The following LUZP1 variants were observed in gnomAD, a reference collection of about 807,000 sequenced individuals.
LUZP1 encodes filamin mechanobinding actin cross-linking protein.
Under a neutral mutation model 71.3 loss-of-function variants are expected in LUZP1, and 25 were observed. That is an observed-to-expected ratio of 0.35 (90% CI 0.26 to 0.49). LUZP1 has a LOEUF of 0.49. Ranked by LOEUF, LUZP1 falls within the 20% of genes least tolerant of loss-of-function variation. The pLI is 0.99. For synonymous variants in LUZP1, 481 were observed against 506.4 expected (o/e 0.95, Z 0.67); for missense variants, 1,142 against 1,300.8 (o/e 0.88, Z 1.88).
intron 3 of LUZP1, among the ~76,000 whole-genome samples, chr1:23,097,678 GTAAAA>G (rs1643900374): frequency 6.6e-6 from 1 of 152,080 alleles, no homozygotes; most frequent in Non-Finnish European, 1.5e-5. Context: ...ATAAAAAAAG[GTAAAA>G]TAAAATAAAA....
chr1:23,089,005 T>C, exon 5 of LUZP1: 1 of 1,614,158 alleles, frequency 6.2e-7, no homozygotes, highest in South Asian at 1.1e-5. Context: ...TCCAGGGAGT[T>C]GTGCAGTTGC....
At chr1:23,162,037 A>T in intron 2 of LUZP1, among the ~76,000 whole-genome samples, 1 of 151,606 alleles carries the variant, frequency 6.6e-6, no homozygotes, top group Non-Finnish European at 1.5e-5. Context: ...AAAAAAAAAA[A>T]AAAAAAAAAA....
intron 2 of LUZP1, among the ~76,000 whole-genome samples, chr1:23,154,822 G>A (rs1644410301): frequency 6.6e-6 from 1 of 151,112 alleles, no homozygotes; most frequent in Non-Finnish European, 1.5e-5. Context: ...CCAAAGTGCT[G>A]GGATTCTTTC....
chr1:23,143,552 T>C (rs576774152), intron 2 of LUZP1, among the ~76,000 whole-genome samples: 5 of 152,308 alleles, frequency 3.3e-5, no homozygotes, highest in Admixed American at 1.3e-4. Context: ...TTCAGTTGTT[T>C]TTTGCACATA....
intron 2 of LUZP1, among the ~76,000 whole-genome samples, chr1:23,143,041 C>T (rs751329981): frequency 3.3e-5 from 5 of 151,694 alleles, no homozygotes; most frequent in Non-Finnish European, 5.9e-5. Context: ...TAGAGTCTTA[C>T]TCTCTTGTCC....
At chr1:23,157,733 G>A (rs1644431238) in intron 2 of LUZP1, among the ~76,000 whole-genome samples, 1 of 152,224 alleles carries the variant, frequency 6.6e-6, no homozygotes, top group Non-Finnish European at 1.5e-5. Context: ...GGAGGTTGCA[G>A]TGAGCCAAGA....
exon 4 of LUZP1, chr1:23,091,715 A>G (rs757736458): frequency 6.2e-7 from 1 of 1,614,032 alleles, no homozygotes; most frequent in East Asian, 2.2e-5. Context: ...GGGTGATGTC[A>G]TGTTTGTGAA....
At chr1:23,133,216 C>T (rs991323176) in intron 2 of LUZP1, among the ~76,000 whole-genome samples, 4 of 152,144 alleles carry the variant, frequency 2.6e-5, no homozygotes, top group Non-Finnish European at 5.9e-5. Flanking sequence ...ACGATATATA[C>T]GAACAGATCT....
At chr1:23,134,007 G>A (rs541917985) in intron 2 of LUZP1, among the ~76,000 whole-genome samples, 4 of 152,300 alleles carry the variant, frequency 2.6e-5, no homozygotes, top group African/African-American at 9.6e-5. Flanking sequence ...AAACAAGTTA[G>A]AAAGGACTGC....
intron 2 of LUZP1, among the ~76,000 whole-genome samples, chr1:23,122,289 C>T (rs1644136447): frequency 6.6e-6 from 1 of 152,086 alleles, no homozygotes; most frequent in African/African-American, 2.4e-5. Context: ...TAGAGACTGT[C>T]AAGTTAATTG....
At position 23,108,740 on chromosome 1, in the gene LUZP1, G is replaced by A. The variant is rs78523373; in HGVS notation, c.-120+282C>T. On this transcript the variant is annotated intron_variant, in intron 3 of 4. Transcript: ENST00000302291. ...ACTTACCTCACAGGGTTGGTAGGGC[G>A]ATAACATGTCCAACAGGACTGCGCC... 1.7e-3 allele frequency among the ~76,000 whole-genome samples: 265 copies of A among 152,324 alleles called. 3 individuals carry two copies. Among genetic ancestry groups the A allele is most frequent in the African/African-American group, 5.9e-3 (247 of 41,574 alleles).
At chr1:23,113,225 G>A (rs1270952092) in intron 2 of LUZP1, among the ~76,000 whole-genome samples, 1 of 152,002 alleles carries the variant, frequency 6.6e-6, no homozygotes, top group Admixed American at 6.6e-5. Flanking sequence ...GTGAGACACT[G>A]TCTCTACAAA....
At position 23,093,915 on chromosome 1, in the gene LUZP1, C is replaced by A. The variant is rs149397570; in HGVS notation, c.347G>T (p.Arg116Leu). 7 of 1,614,168 alleles carry A rather than the reference C, an allele frequency of 4.3e-6. No individual in the cohort carries two copies. In the South Asian group the frequency reaches 7.7e-5, roughly 18 times the overall value. ...TTCTAGCTTCTCTAATTCAGCCATT[C>A]GTTTCTGAAGCCGCTCAATCTCAGA... Residue 116 changes from arginine (R) to leucine (L), a missense_variant, in exon 4 of 5, where the codon CGA becomes CTA. Transcript: ENST00000302291. The surrounding 1 kb of genome is among the most constrained non-coding windows in gnomAD (Gnocchi z 4.2).
At chr1:23,149,079 TAAAAAAAAAAAAA>T (rs58910170) in intron 2 of LUZP1, among the ~76,000 whole-genome samples, 4 of 37,412 alleles carry the variant, frequency 1.1e-4, no homozygotes, top group East Asian at 8.7e-4. Context: ...ACACCTTGCC[TAAAAAAAAAAAAA>T]AAAAAAAAAA....
chr1:23,172,837 A>T lies in LUZP1; in HGVS notation c.-484-3813T>A, dbSNP rs1276407252. 1.0e-3 allele frequency among the ~76,000 whole-genome samples: 150 copies of T among 149,150 alleles called. 1 individual carries two copies. In the Middle Eastern group the frequency reaches 0.011, roughly 11 times the overall value. ...GCCAAAATTTTATTTATTTATTTTT[A>T]TTTTTATTTTTTTTGAGACAGAGTC... On this transcript the variant is annotated intron_variant, in intron 1 of 4. Transcript: ENST00000302291.
chr1:23,152,500 C>CT (rs1341321783), intron 2 of LUZP1, among the ~76,000 whole-genome samples: 3 of 152,048 alleles, frequency 2.0e-5, no homozygotes, highest in Non-Finnish European at 4.4e-5. Flanking sequence ...CTTCAGTTAA[C>CT]TAATACCACA....
chr1:23,172,525 T>A (rs932553633), intron 1 of LUZP1, among the ~76,000 whole-genome samples: 12 of 151,258 alleles, frequency 7.9e-5, no homozygotes, highest in Non-Finnish European at 1.3e-4. Context: ...TTTTATTTTT[T>A]TTTTTTTAGA....
rs147602099 is a variant in LUZP1 at position 23,120,343 on chromosome 1, A to G, written c.-225-11216T>C. Among the ~76,000 whole-genome samples, 6 of 152,082 alleles carry G rather than the reference A, an allele frequency of 3.9e-5. No homozygotes were observed. The East Asian group carries it at 9.7e-4, about 24-fold the overall frequency. On this transcript the variant is annotated intron_variant, in intron 2 of 4. Transcript: ENST00000302291. ...GAAGTGCATGCCTCCTACGCTCTAA[A>G]TAATATACCTCCTAATAAATAAATA...
At chr1:23,101,586 C>G (rs1643932081) in intron 3 of LUZP1, among the ~76,000 whole-genome samples, 1 of 152,218 alleles carries the variant, frequency 6.6e-6, no homozygotes, top group South Asian at 2.1e-4. Context: ...AAGTCCTATG[C>G]ATACCTAAAG....
Sources: allele counts gnomAD v4.1 joint callset (sites outside exome capture counted in the v4.1 genomes callset), GRCh38; gene constraint gnomAD v4.1.1; non-coding constraint Gnocchi (gnomAD v3.1); transcripts MANE v1.5; gene names NCBI Gene and HGNC (gene_info 2026-07-23, HGNC 2026-07-21).